Variants in PCDHA5 observed in about 807,000 individuals in gnomAD.
The protein encoded by PCDHA5 is protocadherin alpha 5, also known as protocadherin alpha-5.
PCDHA5 carries 43 observed loss-of-function variants against 61.6 expected under a neutral mutation model. The observed-to-expected ratio is 0.70, with a 90% confidence interval of 0.55 to 0.90. The LOEUF (loss-of-function observed/expected upper bound fraction) is 0.90. PCDHA5 is among the 40% of genes least tolerant of loss of function. PCDHA5 has a pLI of 0.00. For synonymous variants in PCDHA5, 627 were observed against 543.9 expected (o/e 1.15, Z -2.13); for missense variants, 1,298 against 1,222.7 (o/e 1.06, Z -0.92).
At chr5:140,926,713 C>G (rs1018008271) in intron 1 of PCDHA5, 16 of 944,684 alleles carry the variant, frequency 1.7e-5, no homozygotes, top group Non-Finnish European at 2.3e-5. Flanking sequence ...CTGGCCAGCC[C>G]CGGCAATGCC....
At chr5:140,850,745 C>G in intron 1 of PCDHA5, 1 of 1,597,954 alleles carries the variant, frequency 6.3e-7, no homozygotes, top group Non-Finnish European at 8.6e-7. Context: ...GTTGGTCGTA[C>G]TCGCAGCAGA....
Position 140,823,222 on chromosome 5 carries a change from G to C in PCDHA5, c.1447G>C (p.Ala483Pro). ...IFTVSARDAD[A>P]QENALVSYSL... ...CACGGTGTCTGCACGGGACGCGGAC[G>C]CGCAGGAGAACGCCCTGGTGTCCTA... is the stretch of plus-strand genomic sequence containing the variant. Residue 483 changes from alanine to proline, a missense_variant, in exon 1 of 4, where the codon GCG becomes CCG. By Grantham distance (27) the Ala-to-Pro change is conservative (BLOSUM62 -1). Transcript: ENST00000529859. 6.2e-7 allele frequency: 1 copy of C among 1,613,732 alleles called. No homozygotes were observed. The highest frequency in any genetic ancestry group is 8.5e-7 in the Non-Finnish European group (1 of 1,179,808).
At chr5:140,895,253 CT>C (rs1411327383) in intron 1 of PCDHA5, among the ~76,000 whole-genome samples, 2 of 151,968 alleles carry the variant, frequency 1.3e-5, no homozygotes, top group Non-Finnish European at 2.9e-5. Context: ...TCAAAGCTTT[CT>C]TTTTTTTCTT....
intron 1 of PCDHA5, chr5:140,835,210 ATAT>A: frequency 6.4e-7 from 1 of 1,571,342 alleles, no homozygotes; most frequent in Non-Finnish European, 8.6e-7. Flanking sequence ...TTGAATGGGG[ATAT>A]TATTTACTCC....
intron 1 of PCDHA5, among the ~76,000 whole-genome samples, chr5:140,872,635 C>T (rs1172137990): frequency 6.6e-6 from 1 of 152,028 alleles, no homozygotes; most frequent in Non-Finnish European, 1.5e-5. Context: ...GATTTTGTTC[C>T]ATGAAAAGGC....
In PCDHA5 at chr5:141,009,850, C is replaced by A; in HGVS notation, c.2724C>A (p.Thr908=). The A allele has an allele frequency of 1.2e-6, 2 of 1,613,572 alleles. No individual in the cohort carries two copies. Among genetic ancestry groups the A allele is most frequent in the Non-Finnish European group, 1.7e-6 (2 of 1,179,906 alleles). ...DFITFGKKEE[T]KKKKKKKKGN... ...TAACCTTCGGCAAAAAGGAGGAGAC[C>A]AAGAAAAAGAAGAAAAAGAAGAAGG... The change falls in exon 4 of 4, where the codon ACC becomes ACA. Residue 908 remains threonine (T), a synonymous_variant. Coordinates refer to ENST00000529859, the MANE Select transcript of PCDHA5 (RefSeq NM_018908.3).
chr5:140,886,698 C>T (rs578140955), intron 1 of PCDHA5, among the ~76,000 whole-genome samples: 5 of 151,938 alleles, frequency 3.3e-5, no homozygotes, highest in East Asian at 2.0e-4. Flanking sequence ...TGGTGGCACG[C>T]GCCTGTAATC....
At chr5:140,900,557 G>A (rs1006880033) in intron 1 of PCDHA5, among the ~76,000 whole-genome samples, 1 of 152,160 alleles carries the variant, frequency 6.6e-6, no homozygotes, top group African/African-American at 2.4e-5. Context: ...GATTACAGGC[G>A]TGAGCCACGG....
chr5:140,829,467 A>C, intron 1 of PCDHA5: 1 of 1,613,844 alleles, frequency 6.2e-7, no homozygotes, highest in Non-Finnish European at 8.5e-7. Context: ...GCGCAGCCCG[A>C]GTACACAGTG....
chr5:140,951,683 A>G (rs1389313679), intron 1 of PCDHA5, among the ~76,000 whole-genome samples: 1 of 152,160 alleles, frequency 6.6e-6, no homozygotes, highest in Non-Finnish European at 1.5e-5. Flanking sequence ...TGGGGATTAC[A>G]ATGTGACATG....
intron 1 of PCDHA5, among the ~76,000 whole-genome samples, chr5:140,945,123 A>G (rs1421068345): frequency 2.0e-5 from 3 of 152,190 alleles, no homozygotes; most frequent in African/African-American, 4.8e-5. Context: ...TAAAAAATCA[A>G]CTTACAAAAA....
intron 3 of PCDHA5, among the ~76,000 whole-genome samples, chr5:141,002,081 G>T (rs1016567220): frequency 3.3e-5 from 5 of 152,220 alleles, no homozygotes; most frequent in South Asian, 2.1e-4. Flanking sequence ...GCCAAAGAAC[G>T]AGCAGTCCAG....
At chr5:140,970,384 C>T (rs2096401322) in intron 1 of PCDHA5, among the ~76,000 whole-genome samples, 1 of 152,104 alleles carries the variant, frequency 6.6e-6, no homozygotes, top group Admixed American at 6.5e-5. Flanking sequence ...AAAAGGCTGG[C>T]TTGGAAAGTG....
At chr5:140,873,642 G>T (rs1217578025) in intron 1 of PCDHA5, among the ~76,000 whole-genome samples, 1 of 152,154 alleles carries the variant, frequency 6.6e-6, no homozygotes, top group Non-Finnish European at 1.5e-5. Flanking sequence ...GAGTATGTGA[G>T]AACTACATAA....
In PCDHA5 at chr5:140,822,890, G is replaced by C. The variant is rs2150120119; in HGVS notation, c.1115G>C (p.Ser372Thr). 2.8e-5 allele frequency: 45 copies of C among 1,614,098 alleles called. No individual in the cohort carries two copies. The highest frequency in any genetic ancestry group is 3.7e-5 in the Non-Finnish European group (44 of 1,180,046). ...CTCAGCACGGTCATTGCTCTGATCA[G>C]CGTGTCTGACCGTGACTCAGGTGCC... ...APLSTVIALI[S>T]VSDRDSGANG... Residue 372 changes from serine (S) to threonine (T), a missense_variant, in exon 1 of 4, where the codon AGC becomes ACC. By Grantham distance (58) the Ser-to-Thr change is moderately conservative. Transcript: ENST00000529859.
At chr5:140,945,630 A>C (rs1445072054) in intron 1 of PCDHA5, among the ~76,000 whole-genome samples, 1 of 152,166 alleles carries the variant, frequency 6.6e-6, no homozygotes, top group African/African-American at 2.4e-5. Context: ...CTGGCATAAA[A>C]GACATGTAGA....
intron 1 of PCDHA5, among the ~76,000 whole-genome samples, chr5:140,944,319 C>T (rs1386940921): frequency 6.6e-6 from 1 of 152,104 alleles, no homozygotes. Context: ...TCCTGAGTAG[C>T]TGGGATTACA....
At chr5:140,913,619 G>A (rs188632685) in intron 1 of PCDHA5, among the ~76,000 whole-genome samples, 1 of 151,848 alleles carries the variant, frequency 6.6e-6, no homozygotes, top group Non-Finnish European at 1.5e-5. Context: ...TACTAATTTT[G>A]GATTCAGTTT....
Position 140,923,432 on chromosome 5 carries a change from G to A in PCDHA5, c.2353-55517G>A, listed in dbSNP as rs116357562. Among the ~76,000 whole-genome samples, 1,228 of 152,230 alleles carry A rather than the reference G, an allele frequency of 8.1e-3. 6 individuals are homozygous for A. The highest frequency in any genetic ancestry group is 0.019 in the African/African-American group (793 of 41,542). The stretch of plus-strand genomic sequence containing the variant: ...AATCCTGGCTACTTGGGAGGCTGGG[G>A]TGGGAGGATCACCTGAGCCCAGAGA... On this transcript the variant is annotated intron_variant, in intron 1 of 3. Transcript: ENST00000529859.
Sources: allele counts gnomAD v4.1 joint callset (sites outside exome capture counted in the v4.1 genomes callset), GRCh38; gene constraint gnomAD v4.1.1; transcripts MANE v1.5; gene names NCBI Gene and HGNC (gene_info 2026-07-23, HGNC 2026-07-21).